The following NDUFA10 variants were observed in gnomAD, a reference collection of about 807,000 sequenced individuals.
NDUFA10 encodes NADH:ubiquinone oxidoreductase subunit A10, also known as NADH dehydrogenase [ubiquinone] 1 alpha subcomplex subunit 10, mitochondrial.
NDUFA10 carries 40 observed loss-of-function variants against 47.8 expected under a neutral mutation model. The ratio of observed to expected loss-of-function variants is 0.84; its 90% CI spans 0.65 to 1.09. The LOEUF is 1.09. NDUFA10 is among the 50% of genes least tolerant of loss of function. The probability of loss-of-function intolerance (pLI) is 0.00; values close to 1 mark genes in which losing one functional copy is unlikely to be tolerated. For missense variants in NDUFA10, 413 were observed against 451.1 expected (o/e 0.92, Z 0.76); for synonymous variants, 183 against 172.2 (o/e 1.06, Z -0.49).
intron 5 of NDUFA10, among the ~76,000 whole-genome samples, chr2:239,892,882 T>G (rs1383926418): frequency 1.3e-5 from 2 of 152,326 alleles, no homozygotes; most frequent in Non-Finnish European, 2.9e-5. Context: ...TCTACAAATG[T>G]GTAGGCAGGG....
chr2:239,990,333 A>T, intron 8 of NDUFA10, 151 bp from the exon 9 acceptor site: 3 of 699,336 alleles, frequency 4.3e-6, no homozygotes, highest in South Asian at 3.1e-5. Flanking sequence ...CCAGCAGCAA[A>T]GCCTTCCTCC....
At chr2:239,937,687 G>A (rs1421900437) in intron 4 of NDUFA10, among the ~76,000 whole-genome samples, 7 of 152,214 alleles carry the variant, frequency 4.6e-5, no homozygotes, top group African/African-American at 1.7e-4. Context: ...TGTGCGTTCA[G>A]TGCTCTTGAG....
chr2:239,976,173 T>A (rs1192326804), intron 9 of NDUFA10, among the ~76,000 whole-genome samples: 1 of 152,212 alleles, frequency 6.6e-6, no homozygotes, highest in Non-Finnish European at 1.5e-5. Context: ...CAGGCTTGGT[T>A]ACATAACAAT....
At chr2:240,000,157 C>A (rs1368496370) in intron 8 of NDUFA10, among the ~76,000 whole-genome samples, 1 of 152,214 alleles carries the variant, frequency 6.6e-6, no homozygotes, top group African/African-American at 2.4e-5. Context: ...GACATTTCAT[C>A]GTGATTTTTA....
chr2:239,899,120 GTGA>G (rs1205960201), intron 4 of NDUFA10, among the ~76,000 whole-genome samples: 1 of 15,894 alleles, frequency 6.3e-5, no homozygotes, highest in Non-Finnish European at 1.5e-4. Context: ...ACGGAGGGGT[GTGA>G]TGGAGAGGTG....
intron 6 of NDUFA10, among the ~76,000 whole-genome samples, chr2:240,011,143 AAC>A (rs1697122301): frequency 6.6e-6 from 1 of 152,210 alleles, no homozygotes; most frequent in South Asian, 2.1e-4. Context: ...AAGAAAGAAA[AAC>A]AGTCTGGTGG....
intron 4 of NDUFA10, among the ~76,000 whole-genome samples, chr2:239,909,795 C>G (rs922420215): frequency 6.6e-6 from 1 of 152,038 alleles, no homozygotes; most frequent in East Asian, 1.9e-4. Context: ...AAGAAACTAT[C>G]TATCATCAGA....
intron 1 of NDUFA10, among the ~76,000 whole-genome samples, chr2:240,024,554 C>T (rs1189125498): frequency 6.6e-6 from 1 of 152,162 alleles, no homozygotes; most frequent in African/African-American, 2.4e-5. Flanking sequence ...CTATTACACA[C>T]GTGTCAAAAC....
At chr2:239,966,782 G>A (rs1307160091) in intron 9 of NDUFA10, among the ~76,000 whole-genome samples, 3 of 151,984 alleles carry the variant, frequency 2.0e-5, no homozygotes, top group Admixed American at 2.0e-4. Flanking sequence ...GAGGGGCCCT[G>A]GGCGGCTGGG....
chr2:239,918,664 C>A (rs907444805), intron 4 of NDUFA10, among the ~76,000 whole-genome samples: 1 of 152,252 alleles, frequency 6.6e-6, no homozygotes, highest in East Asian at 1.9e-4. Context: ...TTCACAAGTT[C>A]TCTCTCCTCC....
At chr2:239,907,370 T>C (rs1187704281) in intron 4 of NDUFA10, among the ~76,000 whole-genome samples, 3 of 152,140 alleles carry the variant, frequency 2.0e-5, no homozygotes, top group Non-Finnish European at 4.4e-5. Flanking sequence ...CCAAAAGCAA[T>C]GGCAACAAAA....
chr2:239,948,602 CAA>C lies in NDUFA10; in HGVS notation c.294+41470_294+41471del, dbSNP rs368297389. 1.8e-3 allele frequency among the ~76,000 whole-genome samples: 273 copies of C among 152,378 alleles called. 1 individual carries two copies. Among genetic ancestry groups the C allele is most frequent in the African/African-American group, 6.3e-3 (263 of 41,596 alleles). ...AAAAGCCCCAGCCATCTTGAAAGCA[CAA>C]ATACACGTCGGTGGGACCCGGATCC... On this transcript the variant is annotated intron_variant, in intron 4 of 5. Transcript: ENST00000419408.
chr2:239,958,865 C>T lies in NDUFA10; in HGVS notation c.*2253G>A, dbSNP rs1694733694. On this transcript the variant is annotated 3_prime_UTR_variant, in exon 10 of 10. Coordinates refer to ENST00000252711, the MANE Select transcript of NDUFA10 (RefSeq NM_004544.4). The stretch of plus-strand genomic sequence containing the variant: ...TACTGCTGCAACAGCATGATTATTT[C>T]CTGATCTCCAAAGCACTGAGAAGTC... 1.2e-6 allele frequency: 1 copy of T among 861,570 alleles called. No individual in the cohort carries two copies. Among genetic ancestry groups the T allele is most frequent in the African/African-American group, 1.8e-5 (1 of 54,618 alleles). 53.4% of individuals were successfully genotyped at this position (861,570 alleles called of 1,614,324 possible). A position where few individuals can be genotyped will look rare whatever the true frequency, so the allele number is the denominator to read the frequency against.
At chr2:239,968,106 G>A (rs926767572) in intron 9 of NDUFA10, among the ~76,000 whole-genome samples, 1 of 152,078 alleles carries the variant, frequency 6.6e-6, no homozygotes, top group Non-Finnish European at 1.5e-5. Flanking sequence ...TCTCTTCTCT[G>A]GCTAGAAAAA....
chr2:240,016,990 A>G lies in NDUFA10; in HGVS notation c.547+1563T>C, dbSNP rs1574894651. On this transcript the variant is annotated intron_variant, in intron 4 of 9. Coordinates refer to ENST00000252711, the MANE Select transcript of NDUFA10 (RefSeq NM_004544.4). The surrounding 1 kb of genome is among the most constrained non-coding windows in gnomAD (Gnocchi z 4.4). ...CTCCCCACTGTGCACACAGGAAACC[A>G]CCCACCCAGGCCTGCCCAGTGTCCC... 1.3e-5 allele frequency among the ~76,000 whole-genome samples: 2 copies of G among 151,620 alleles called. No homozygotes were observed. Among genetic ancestry groups the G allele is most frequent in the African/African-American group, 4.9e-5 (2 of 41,210 alleles).
At chr2:239,917,094 G>C (rs1338949149) in intron 4 of NDUFA10, among the ~76,000 whole-genome samples, 1 of 152,344 alleles carries the variant, frequency 6.6e-6, no homozygotes, top group East Asian at 1.9e-4. Context: ...GAATGCCTGG[G>C]GGTGGGGTCT....
chr2:240,022,787 C>T (rs562875525), intron 1 of NDUFA10, among the ~76,000 whole-genome samples: 2 of 152,230 alleles, frequency 1.3e-5, no homozygotes, highest in African/African-American at 4.8e-5. Context: ...CGTTACCCCA[C>T]TGCCTATTAA....
intron 8 of NDUFA10, among the ~76,000 whole-genome samples, chr2:239,994,543 A>G (rs1002474075): frequency 2.1e-4 from 32 of 152,092 alleles, no homozygotes; most frequent in African/African-American, 7.7e-4. Flanking sequence ...GAATTATTTC[A>G]TTATATATAA....
intron 4 of NDUFA10, among the ~76,000 whole-genome samples, chr2:239,905,309 G>A (rs1381721869): frequency 1.3e-5 from 2 of 152,138 alleles, no homozygotes; most frequent in Non-Finnish European, 2.9e-5. Context: ...GACAGAGGAG[G>A]GGCAGTGCTT....
Sources: allele counts gnomAD v4.1 joint callset (sites outside exome capture counted in the v4.1 genomes callset), GRCh38; gene constraint gnomAD v4.1.1; non-coding constraint Gnocchi (gnomAD v3.1); transcripts MANE v1.5; gene names NCBI Gene and HGNC (gene_info 2026-07-23, HGNC 2026-07-21).